Variants in PI4KB observed in about 807,000 individuals in gnomAD.
PI4KB encodes PtdIns 4-kinase beta.
PI4KB carries 23 observed loss-of-function variants against 81.4 expected under a neutral mutation model. The observed-to-expected ratio is 0.28, with a 90% CI of 0.20 to 0.40. PI4KB has a LOEUF of 0.40. Ranked by LOEUF, PI4KB falls within the 10% of genes least tolerant of loss-of-function variation. The pLI is 1.00. For missense variants in PI4KB, 651 were observed against 1,036.6 expected (o/e 0.63, Z 5.11); for synonymous variants, 381 against 406.8 (o/e 0.94, Z 0.76).
At chr1:151,321,147 G>A (rs745413731) in intron 1 of PI4KB, among the ~76,000 whole-genome samples, 9 of 152,024 alleles carry the variant, frequency 5.9e-5, no homozygotes, top group Admixed American at 2.0e-4. Flanking sequence ...TCTCCCTCCC[G>A]GCAGCTTTTA....
In PI4KB at chr1:151,316,321, T is replaced by A. The variant is rs781112664; in HGVS notation, c.161A>T (p.Glu54Val). 6 of 1,614,020 alleles carry A rather than the reference T, an allele frequency of 3.7e-6. No individual in the cohort carries two copies. Among genetic ancestry groups the A allele is most frequent in the Non-Finnish European group, 5.1e-6 (6 of 1,179,952 alleles). Residue 54 changes from glutamate to valine, a missense_variant, in exon 2 of 12, where the codon GAG (glutamate) becomes GTG (valine). By Grantham distance (121) the Glu-to-Val change is moderately radical (BLOSUM62 -2). Coordinates refer to ENST00000368873, the MANE Select transcript of PI4KB (RefSeq NM_001369623.2). ...CAAAAGCTTGACTTTCTCCAACACC[T>A]CCTGGCAGGCCTTCTGGGCCACCTC... ...DPEVAQKACQ[E>V]VLEKVKLLHG...
chr1:151,296,098 T>C (rs1404403467), intron 9 of PI4KB, among the ~76,000 whole-genome samples: 1 of 152,044 alleles, frequency 6.6e-6, no homozygotes. Context: ...ATACAAAAAT[T>C]AGCTGGGCGT....
In PI4KB at chr1:151,306,383, G is replaced by GT. The variant is rs746358846; in HGVS notation, c.1183-21dup. The stretch of plus-strand genomic sequence containing the variant: ...GGGAGCCTGGGGGAAGAGTGAGACA[G>GT]TATTTGCAACTTACTTCCACCACTA... On this transcript the variant is annotated intron_variant, in intron 4 of 11. Transcript: ENST00000368873. 7.8e-6 allele frequency: 12 copies of GT among 1,531,806 alleles called. No individual in the cohort carries two copies. In the African/African-American group the frequency reaches 1.2e-4, roughly 16 times the overall value. 94.9% of individuals were successfully genotyped at this position (1,531,806 alleles called of 1,614,324 possible). A position where few individuals can be genotyped will look rare whatever the true frequency, so the allele number is the denominator to read the frequency against.
chr1:151,305,423 A>G (rs1441811414), intron 5 of PI4KB, among the ~76,000 whole-genome samples: 1 of 152,172 alleles, frequency 6.6e-6, no homozygotes, highest in Non-Finnish European at 1.5e-5. Context: ...TCACACCTGC[A>G]CATCACAGCC....
At chr1:151,293,056 A>G (rs765484132) in intron 11 of PI4KB, 23 bp from the exon 12 acceptor site, 1 of 1,612,766 alleles carries the variant, frequency 6.2e-7, no homozygotes, top group South Asian at 1.1e-5. Context: ...GTCGGAGTTC[A>G]GGGTCATGGA....
chr1:151,305,916 A>G (rs1418147778), intron 5 of PI4KB, among the ~76,000 whole-genome samples: 1 of 152,186 alleles, frequency 6.6e-6, no homozygotes, highest in Non-Finnish European at 1.5e-5. Flanking sequence ...TCCTCTTTAC[A>G]TTTAAATCTG....
chr1:151,320,472 C>T (rs1239265659), intron 1 of PI4KB, among the ~76,000 whole-genome samples: 7 of 152,234 alleles, frequency 4.6e-5, no homozygotes. Flanking sequence ...CTGTTTCTTT[C>T]TGCCAACTCT....
rs1298234664 is a variant in PI4KB, at chr1:151,307,580, C to T, written c.1176G>A (p.Lys392=). The change falls in exon 4 of 12, where the codon AAG becomes AAA. Residue 392 remains lysine, a synonymous_variant. Coordinates refer to ENST00000368873, the MANE Select transcript of PI4KB (RefSeq NM_001369623.2). ...TGGGCCAGAACCCATCTACCTTGTC[C>T]TTGGAGTTGAGGACAACAGCCTGTG... ...PHTQAVVLNS[K]DKAPYLIYVE... is the part of the protein sequence containing the mutation. The T allele has an allele frequency of 6.2e-6, 10 of 1,611,550 alleles. No individual in the cohort carries two copies. Among genetic ancestry groups the T allele is most frequent in the East Asian group, 4.5e-5 (2 of 44,882 alleles).
chr1:151,301,769 T>C, intron 8 of PI4KB, 75 bp downstream of exon 8: 4 of 1,432,866 alleles, frequency 2.8e-6, no homozygotes, highest in Non-Finnish European at 3.9e-6. Context: ...CCCGACTTTG[T>C]AATCCACCCG....
intron 11 of PI4KB, 117 bp from the exon 12 acceptor site, chr1:151,293,150 TTGA>T (rs1694446515): frequency 6.6e-7 from 1 of 1,515,550 alleles, no homozygotes; most frequent in South Asian, 1.3e-5. Context: ...CCTCAGGTCC[TTGA>T]TGATGTGGGT....
intron 8 of PI4KB, among the ~76,000 whole-genome samples, chr1:151,299,371 G>C (rs1335115340): frequency 6.6e-6 from 1 of 152,090 alleles, no homozygotes; most frequent in Non-Finnish European, 1.5e-5. Flanking sequence ...GAGAATGGGA[G>C]CTGTAAGTTC....
At chr1:151,321,323 A>T (rs187081248) in intron 1 of PI4KB, among the ~76,000 whole-genome samples, 5 of 152,322 alleles carry the variant, frequency 3.3e-5, no homozygotes, top group Admixed American at 1.3e-4. Context: ...ATGGAGAAGA[A>T]GGTGTTGTAG....
At chr1:151,314,782 A>G (rs970268218) in intron 2 of PI4KB, among the ~76,000 whole-genome samples, 6 of 152,274 alleles carry the variant, frequency 3.9e-5, no homozygotes, top group African/African-American at 1.4e-4. Flanking sequence ...TATGAGGAGG[A>G]GTGGCCAGGA....
intron 6 of PI4KB, among the ~76,000 whole-genome samples, 199 bp from the exon 7 acceptor site, chr1:151,302,497 T>A (rs371650667): frequency 9.3e-4 from 141 of 152,194 alleles, no homozygotes; most frequent in South Asian, 3.9e-3. Context: ...AAAATTAAGA[T>A]TACCAGGCCC....
intron 5 of PI4KB, among the ~76,000 whole-genome samples, chr1:151,304,886 G>T (rs181101585): frequency 2.8e-3 from 430 of 151,030 alleles, no homozygotes; most frequent in African/African-American, 0.01. Context: ...CTGAAGTGCA[G>T]TGGCGTGATC....
chr1:151,313,735 T>C (rs1287518792), intron 2 of PI4KB, among the ~76,000 whole-genome samples: 1 of 152,270 alleles, frequency 6.6e-6, no homozygotes, highest in Non-Finnish European at 1.5e-5. Flanking sequence ...CAGTTTTGGC[T>C]TTGCCTGTGC....
At chr1:151,321,611 C>T (rs898729471) in intron 1 of PI4KB, among the ~76,000 whole-genome samples, 8 of 151,830 alleles carry the variant, frequency 5.3e-5, no homozygotes, top group African/African-American at 1.7e-4. Flanking sequence ...TGGTGGCTCA[C>T]GCCTGTAATC....
chr1:151,296,392 G>A lies in PI4KB; in HGVS notation c.2016-1851C>T, dbSNP rs183059026. The stretch of plus-strand genomic sequence containing the variant: ...ACCTGACTGTTATTTCCCTCATGAG[G>A]AAACACGTGTCTGACAGGGTTTTCA... On this transcript the variant is annotated intron_variant, in intron 9 of 11. Coordinates refer to ENST00000368873, the MANE Select transcript of PI4KB (RefSeq NM_001369623.2). 4.3e-3 allele frequency among the ~76,000 whole-genome samples: 661 copies of A among 152,226 alleles called. 6 individuals carry two copies. Among genetic ancestry groups the A allele is most frequent in the Middle Eastern group, 0.014 (4 of 292 alleles).
In PI4KB at chr1:151,316,332, C is replaced by T. The variant is rs1035689545; in HGVS notation, c.150G>A (p.Lys50=). 6.2e-7 allele frequency: 1 copy of T among 1,613,686 alleles called. No individual in the cohort carries two copies. The highest frequency in any genetic ancestry group is 1.3e-5 in the African/African-American group (1 of 74,926). ...CTTTCTCCAACACCTCCTGGCAGGC[C>T]TTCTGGGCCACCTCAGGGTCAATCA... ...LSVIDPEVAQ[K]ACQEVLEKVK... The change falls in exon 2 of 12, where the codon AAG becomes AAA. Residue 50 remains lysine, a synonymous_variant. Coordinates refer to ENST00000368873, the MANE Select transcript of PI4KB (RefSeq NM_001369623.2).
Sources: allele counts gnomAD v4.1 joint callset (sites outside exome capture counted in the v4.1 genomes callset), GRCh38; gene constraint gnomAD v4.1.1; transcripts MANE v1.5; gene names NCBI Gene and HGNC (gene_info 2026-07-23, HGNC 2026-07-21).